Variants in TNFSF4 observed in about 807,000 individuals in gnomAD.
The protein encoded by TNFSF4 is TNF superfamily member 4, also known as tumor necrosis factor ligand superfamily member 4.
In TNFSF4, 4 loss-of-function variants were observed where a neutral mutation model predicts 7.3. The observed-to-expected ratio is 0.55, with a 90% CI of 0.27 to 1.25. The LOEUF (loss-of-function observed/expected upper bound fraction) is 1.25, where lower values mean the gene tolerates loss of function less well. Ranked by LOEUF, TNFSF4 falls within the 50% of genes most tolerant of loss-of-function variation. TNFSF4 has a pLI of 0.12. For missense variants in TNFSF4, 181 were observed against 208.8 expected, an observed-to-expected ratio of 0.87 and a Z score of 0.82; for synonymous variants, 76 against 83.7, an observed-to-expected ratio of 0.91 and a Z score of 0.50.
the TNFSF4 span, among the ~76,000 whole-genome samples, chr1:173,403,858 C>T: frequency 4.0e-5 from 6 of 150,618 alleles, no homozygotes; most frequent in Non-Finnish European, 5.9e-5. Context: ...GCTGAGATCA[C>T]ACCACTGCAC....
chr1:173,309,628 G>C, the TNFSF4 span, among the ~76,000 whole-genome samples: 17 of 151,714 alleles, frequency 1.1e-4, no homozygotes, highest in Admixed American at 7.9e-4. Flanking sequence ...GAGATGATTA[G>C]CTTGTGATTT....
the TNFSF4 span, among the ~76,000 whole-genome samples, chr1:173,297,810 T>C: frequency 3.3e-5 from 5 of 151,780 alleles, no homozygotes; most frequent in Admixed American, 2.6e-4. Context: ...ACCTCTGGGG[T>C]AGAAGGGAAA....
the TNFSF4 span, among the ~76,000 whole-genome samples, chr1:173,443,665 C>A: frequency 6.6e-6 from 1 of 152,122 alleles, no homozygotes; most frequent in Non-Finnish European, 1.5e-5. Flanking sequence ...TAAAGTCACC[C>A]CTAATTCTTT....
At chr1:173,317,639 T>C in the TNFSF4 span, among the ~76,000 whole-genome samples, 19 of 152,146 alleles carry the variant, frequency 1.2e-4, no homozygotes, top group African/African-American at 4.3e-4. Flanking sequence ...GAAGAAACTA[T>C]AAAACCACAA....
chr1:173,215,635 T>A, the TNFSF4 span, among the ~76,000 whole-genome samples: 1 of 152,234 alleles, frequency 6.6e-6, no homozygotes, highest in African/African-American at 2.4e-5. Flanking sequence ...AAAAAACCTG[T>A]AAGCCTTTTT....
the TNFSF4 span, among the ~76,000 whole-genome samples, chr1:173,300,976 C>T: frequency 2.0e-5 from 3 of 151,856 alleles, no homozygotes; most frequent in South Asian, 2.1e-4. Context: ...TTTACGTGAA[C>T]GAATGATAAC....
the TNFSF4 span, chr1:173,174,686 C>T: frequency 2.0e-5 from 3 of 152,150 alleles, no homozygotes; most frequent in African/African-American, 7.2e-5. Context: ...GAACCACCCC[C>T]ATGATCTAAT....
chr1:173,391,193 A>G, the TNFSF4 span, among the ~76,000 whole-genome samples: 106,366 of 151,250 alleles, frequency 0.7, 37,563 homozygotes, highest in African/African-American at 0.78. Flanking sequence ...TCATGCCATC[A>G]GCACATTCTT....
the TNFSF4 span, among the ~76,000 whole-genome samples, chr1:173,412,350 C>A: frequency 1.6e-4 from 24 of 152,278 alleles, no homozygotes; most frequent in Non-Finnish European, 3.1e-4. Flanking sequence ...ATCTCAAATG[C>A]AACAAAAACA....
At chr1:173,407,380 C>T in the TNFSF4 span, among the ~76,000 whole-genome samples, 1 of 151,694 alleles carries the variant, frequency 6.6e-6, no homozygotes, top group Non-Finnish European at 1.5e-5. Context: ...GGCGATATGA[C>T]GAAACCCCGT....
At chr1:173,347,949 G>A in the TNFSF4 span, among the ~76,000 whole-genome samples, 1 of 152,220 alleles carries the variant, frequency 6.6e-6, no homozygotes, top group Non-Finnish European at 1.5e-5. Flanking sequence ...TTCCTGGCAG[G>A]GGAAGGGGAC....
At chr1:173,382,478 C>T in the TNFSF4 span, among the ~76,000 whole-genome samples, 3 of 152,146 alleles carry the variant, frequency 2.0e-5, no homozygotes, top group Non-Finnish European at 2.9e-5. Flanking sequence ...ATGTAGATGA[C>T]GGGTTGATGA....
chr1:173,319,163 G>A, the TNFSF4 span, among the ~76,000 whole-genome samples: 1 of 152,098 alleles, frequency 6.6e-6, no homozygotes, highest in Non-Finnish European at 1.5e-5. Flanking sequence ...TGGGGTGAGG[G>A]GTACTCGCCA....
chr1:173,435,142 A>G, the TNFSF4 span, among the ~76,000 whole-genome samples: 1 of 152,180 alleles, frequency 6.6e-6, no homozygotes, highest in Non-Finnish European at 1.5e-5. Flanking sequence ...CAGTAAAGCC[A>G]AGTCTTTTGG....
chr1:173,347,796 G>A, the TNFSF4 span, among the ~76,000 whole-genome samples: 1 of 152,110 alleles, frequency 6.6e-6, no homozygotes, highest in South Asian at 2.1e-4. Context: ...TTGACATTTG[G>A]GGCCACATAA....
At chr1:173,412,312 G>C in the TNFSF4 span, among the ~76,000 whole-genome samples, 1 of 152,032 alleles carries the variant, frequency 6.6e-6, no homozygotes, top group Admixed American at 6.5e-5. Flanking sequence ...TTCTGTCTTC[G>C]TTTCTGGCTC....
the TNFSF4 span, among the ~76,000 whole-genome samples, chr1:173,375,858 A>G: frequency 6.6e-6 from 1 of 151,486 alleles, no homozygotes; most frequent in Non-Finnish European, 1.5e-5. Flanking sequence ...CTTTACTACC[A>G]CTCACTCTTT....
At chr1:173,234,715 G>A in the TNFSF4 span, among the ~76,000 whole-genome samples, 1 of 152,134 alleles carries the variant, frequency 6.6e-6, no homozygotes, top group African/African-American at 2.4e-5. Flanking sequence ...AACACTGCAT[G>A]TTCTCACTCA....
chr1:173,264,931 C>T, the TNFSF4 span, among the ~76,000 whole-genome samples: 4 of 152,314 alleles, frequency 2.6e-5, no homozygotes, highest in South Asian at 8.3e-4. Context: ...TATTCCACTG[C>T]CCACTCTACA....
Sources: allele counts gnomAD v4.1 joint callset (sites outside exome capture counted in the v4.1 genomes callset), GRCh38; gene constraint gnomAD v4.1.1; transcripts MANE v1.5; gene names NCBI Gene and HGNC (gene_info 2026-07-23, HGNC 2026-07-21).